GPC3: variants seen among roughly 807,000 people sequenced by gnomAD.
The protein encoded by GPC3 is glypican 3.
Under a neutral mutation model 34.4 loss-of-function variants are expected in GPC3, and 3 were observed. The ratio of observed to expected loss-of-function variants is 0.09; its 90% CI spans 0.04 to 0.23. The LOEUF (loss-of-function observed/expected upper bound fraction) is 0.23, where lower values mean the gene tolerates loss of function less well. GPC3 is among the 10% of genes least tolerant of loss of function. The pLI is 1.00. For synonymous variants in GPC3, 177 were observed against 174.0 expected, an observed-to-expected ratio of 1.02 and a Z score of -0.13; for missense variants, 351 against 445.6, an observed-to-expected ratio of 0.79 and a Z score of 1.91.
chrX:133,621,149 G>A (rs2070227978), intron 6 of GPC3, among the ~76,000 whole-genome samples: 1 of 110,998 alleles, frequency 9.0e-6, no homozygotes, highest in Non-Finnish European at 1.9e-5. Flanking sequence ...TTTAGCACAA[G>A]AAGAAGCACT....
At chrX:133,589,822 T>G (rs1191876447) in intron 7 of GPC3, among the ~76,000 whole-genome samples, 1 of 112,031 alleles carries the variant, frequency 8.9e-6, no homozygotes, top group Admixed American at 9.5e-5. Flanking sequence ...CAAGATGTTT[T>G]CTGCTCCTGT....
chrX:133,622,954 T>G (rs761256788), intron 6 of GPC3, among the ~76,000 whole-genome samples: 27 of 112,233 alleles, frequency 2.4e-4, no homozygotes, highest in Admixed American at 9.4e-4. Flanking sequence ...GACTAACAGC[T>G]GATCTCTCGG....
At chrX:133,943,047 T>G (rs2076351386) in intron 2 of GPC3, among the ~76,000 whole-genome samples, 1 of 112,075 alleles carries the variant, frequency 8.9e-6, no homozygotes, top group African/African-American at 3.2e-5. Context: ...TCCCAATTTA[T>G]TAGAGTTGAT....
At chrX:133,818,245 A>ACAG (rs1328814765) in intron 2 of GPC3, among the ~76,000 whole-genome samples, 1 of 112,184 alleles carries the variant, frequency 8.9e-6, no homozygotes, top group Non-Finnish European at 1.9e-5. Flanking sequence ...CAAGATAAGG[A>ACAG]CAGCATAAGT....
chrX:133,977,728 G>T (rs1490923079), intron 1 of GPC3, among the ~76,000 whole-genome samples: 2 of 111,267 alleles, frequency 1.8e-5, no homozygotes, highest in African/African-American at 6.5e-5. Context: ...TCATCCCTTC[G>T]TTTTTTATCC....
chrX:133,687,208 C>T (rs1489842045), intron 5 of GPC3, among the ~76,000 whole-genome samples: 1 of 101,558 alleles, frequency 9.8e-6, no homozygotes, highest in Non-Finnish European at 2.0e-5. Flanking sequence ...TCCCAAAGTG[C>T]TGGGATTACA....
At chrX:133,727,293 C>T (rs1463154369) in intron 3 of GPC3, among the ~76,000 whole-genome samples, 1 of 111,294 alleles carries the variant, frequency 9.0e-6, no homozygotes, top group Non-Finnish European at 1.9e-5. Flanking sequence ...CGCCTGTAAT[C>T]CTAGCACTTC....
intron 4 of GPC3, among the ~76,000 whole-genome samples, chrX:133,696,114 C>T (rs2071115199): frequency 8.9e-6 from 1 of 111,870 alleles, no homozygotes; most frequent in African/African-American, 3.2e-5. Context: ...TCTTAGAGTC[C>T]CAAAGGACAG....
chrX:133,666,528 T>TTAA (rs2070769376), intron 5 of GPC3, among the ~76,000 whole-genome samples: 1 of 112,308 alleles, frequency 8.9e-6, no homozygotes, highest in Admixed American at 9.5e-5. Context: ...TTAAGTTTAG[T>TTAA]GGCACTATTT....
chrX:133,796,224 C>T (rs945574075), intron 2 of GPC3, among the ~76,000 whole-genome samples: 11 of 111,696 alleles, frequency 9.8e-5, no homozygotes, highest in Admixed American at 5.7e-4. Context: ...GGATTACAGG[C>T]GTGAGCCACC....
chrX:133,750,543 T>C, intron 3 of GPC3, among the ~76,000 whole-genome samples: 1 of 112,349 alleles, frequency 8.9e-6, no homozygotes, highest in Middle Eastern at 4.2e-3. Flanking sequence ...TATGGTGAAG[T>C]GTTCACTATG....
chrX:133,777,477 A>G (rs1322209920), intron 2 of GPC3, among the ~76,000 whole-genome samples: 1 of 111,340 alleles, frequency 9.0e-6, no homozygotes, highest in Non-Finnish European at 1.9e-5. Flanking sequence ...ATCTTCTAGT[A>G]GTGCCTGATA....
intron 2 of GPC3, among the ~76,000 whole-genome samples, chrX:133,828,738 G>C (rs1380094575): frequency 1.8e-5 from 2 of 110,736 alleles, no homozygotes; most frequent in Non-Finnish European, 3.8e-5. Flanking sequence ...CAGTTAGATA[G>C]GAGAAAGAAC....
intron 2 of GPC3, among the ~76,000 whole-genome samples, chrX:133,886,778 C>T (rs1288290762): frequency 1.8e-5 from 2 of 112,159 alleles, no homozygotes; most frequent in African/African-American, 3.2e-5. Flanking sequence ...GATATAATTT[C>T]CCTCTTCTGT....
chrX:133,896,847 A>C (rs891815606), intron 2 of GPC3, among the ~76,000 whole-genome samples: 4 of 110,065 alleles, frequency 3.6e-5, no homozygotes, highest in African/African-American at 1.3e-4. Flanking sequence ...TAGTACCTAC[A>C]GGATTCAAAC....
At chrX:133,844,697 A>G (rs867666290) in intron 2 of GPC3, among the ~76,000 whole-genome samples, 1 of 108,926 alleles carries the variant, frequency 9.2e-6, no homozygotes, top group East Asian at 2.9e-4. Flanking sequence ...CTTGTTTCAC[A>G]AAACACTCTC....
intron 2 of GPC3, among the ~76,000 whole-genome samples, chrX:133,830,206 CGA>C (rs1397328927): frequency 9.0e-6 from 1 of 111,079 alleles, no homozygotes; most frequent in East Asian, 2.8e-4. Flanking sequence ...GGAATACAAC[CGA>C]GAGTCCAGAA....
chrX:133,714,970 T>C (rs926323123), intron 3 of GPC3, among the ~76,000 whole-genome samples: 1 of 111,971 alleles, frequency 8.9e-6, no homozygotes, highest in Non-Finnish European at 1.9e-5. Flanking sequence ...TAATACTGAA[T>C]GTCAACTTGA....
At chrX:133,756,563 C>A (rs2071727679) in intron 2 of GPC3, among the ~76,000 whole-genome samples, 1 of 112,615 alleles carries the variant, frequency 8.9e-6, no homozygotes. Flanking sequence ...ACAGTGCATT[C>A]ATTCTCCAAT....
Sources: gnomAD v4.1 joint callset for allele counts (sites outside exome capture counted in the v4.1 genomes callset) on GRCh38, gnomAD v4.1.1 for gene constraint, MANE v1.5 for transcripts, NCBI Gene and HGNC (gene_info 2026-07-23, HGNC 2026-07-21) for gene names.